The following XCR1 variants were observed in gnomAD, a reference collection of about 807,000 sequenced individuals.
The protein encoded by XCR1 is X-C motif chemokine receptor 1.
For missense variants in XCR1, 356 were observed against 424.2 expected (o/e 0.84, Z 1.41); for synonymous variants, 187 against 188.5 (o/e 0.99, Z 0.06).
Position 46,065,647 on chromosome 3 carries a change from G to A in XCR1, c.-183+1252C>T, listed in dbSNP as rs534623287. ...ACCAATTAGAGTTGGGGAAATGCAG[G>A]TGGTGGCCCCGGGCTACACCAAGCT... On this transcript the variant is annotated intron_variant, in intron 4 of 5. Coordinates refer to the XCR1 transcript ENST00000683768. Among the ~76,000 whole-genome samples the A allele has an allele frequency of 7.2e-5, 11 of 152,298 alleles. No individual in the cohort carries two copies. The East Asian group carries it at 1.7e-3, about 24-fold the overall frequency.
chr3:46,031,066 C>A (rs537576291), upstream of XCR1, among the ~76,000 whole-genome samples: 1 of 152,208 alleles, frequency 6.6e-6, no homozygotes, highest in Admixed American at 6.5e-5. Flanking sequence ...TCCACACAGC[C>A]GGCAGGAGCT....
At chr3:46,061,770 A>T (rs1365377670) in intron 4 of XCR1, among the ~76,000 whole-genome samples, 4 of 152,110 alleles carry the variant, frequency 2.6e-5, no homozygotes, top group Non-Finnish European at 4.4e-5. Flanking sequence ...AGAAGGAGTC[A>T]TGGGGGTGCC....
chr3:46,042,176 G>A (rs1697547072), intron 5 of XCR1, among the ~76,000 whole-genome samples: 1 of 152,166 alleles, frequency 6.6e-6, no homozygotes, highest in Non-Finnish European at 1.5e-5. Context: ...TTAAAGCAGT[G>A]CTCAGAGGGA....
chr3:46,066,480 T>C lies in XCR1; in HGVS notation c.-183+419A>G, dbSNP rs147897195. 4.2e-3 allele frequency among the ~76,000 whole-genome samples: 638 copies of C among 152,310 alleles called. 3 individuals carry two copies. Among genetic ancestry groups the C allele is most frequent in the African/African-American group, 0.014 (587 of 41,560 alleles). Reference sequence around the variant, plus strand: ...GGATGGTCTCAATCTCTTGACCTCTTGATCCACCCACTTGGGCCTCCCAAA... The same window carrying C: ...GGATGGTCTCAATCTCTTGACCTCTCGATCCACCCACTTGGGCCTCCCAAA... On this transcript the variant is annotated intron_variant, in intron 4 of 5. Transcript: ENST00000683768.
chr3:46,042,490 G>T (rs1697553742), intron 5 of XCR1, among the ~76,000 whole-genome samples: 1 of 152,110 alleles, frequency 6.6e-6, no homozygotes, highest in African/African-American at 2.4e-5. Context: ...GGAAAGTGGG[G>T]ACATTACTAC....
intron 3 of XCR1, among the ~76,000 whole-genome samples, chr3:46,073,890 C>A (rs1698206499): frequency 6.6e-6 from 1 of 151,048 alleles, no homozygotes; most frequent in African/African-American, 2.4e-5. Flanking sequence ...CATCTTACAC[C>A]AATCAGAATG....
chr3:46,050,695 A>C (rs1697723350), intron 5 of XCR1, among the ~76,000 whole-genome samples: 1 of 152,182 alleles, frequency 6.6e-6, no homozygotes, highest in African/African-American at 2.4e-5. Flanking sequence ...TGATAGTGAG[A>C]CACGTTCTCT....
intron 5 of XCR1, among the ~76,000 whole-genome samples, chr3:46,047,912 C>T (rs1169956471): frequency 4.6e-5 from 7 of 152,178 alleles, no homozygotes; most frequent in South Asian, 2.1e-4. Flanking sequence ...GGTCCATGGA[C>T]GGGGGTAGGA....
chr3:46,055,913 C>T (rs1697842474), intron 4 of XCR1, among the ~76,000 whole-genome samples: 2 of 152,184 alleles, frequency 1.3e-5, no homozygotes, highest in Admixed American at 6.5e-5. Flanking sequence ...AGCAGAGGTG[C>T]TCAGAGGTTA....
chr3:46,070,177 C>A (rs1009390827), intron 3 of XCR1, among the ~76,000 whole-genome samples: 11 of 151,982 alleles, frequency 7.2e-5, no homozygotes, highest in Admixed American at 2.0e-4. Context: ...TTTAAAAATG[C>A]ATTGAGACTT....
rs57883489 is a variant in XCR1 at position 46,026,526 on chromosome 3, T to C, written c.-32+891A>G. Among the ~76,000 whole-genome samples, 827 of 152,052 alleles carry C rather than the reference T, an allele frequency of 5.4e-3. 20 individuals are homozygous for C. The East Asian group carries it at 0.083, about 15-fold the overall frequency. On this transcript the variant is annotated intron_variant, in intron 1 of 1. Transcript: ENST00000309285. ...TCTACTTCTTTCAGCATAAGAAAAA[T>C]ATTATTTATATGTTAGGTCTACTCA...
intron 5 of XCR1, among the ~76,000 whole-genome samples, chr3:46,048,780 T>C (rs1453456211): frequency 6.6e-6 from 1 of 152,206 alleles, no homozygotes; most frequent in Non-Finnish European, 1.5e-5. Flanking sequence ...TTACCATCCA[T>C]ACCAGGAGTC....
chr3:46,041,215 C>G (rs1697531715), intron 5 of XCR1, among the ~76,000 whole-genome samples: 1 of 152,134 alleles, frequency 6.6e-6, no homozygotes, highest in Admixed American at 6.5e-5. Flanking sequence ...GCTGTTTTCT[C>G]TTATAATGGG....
chr3:46,066,296 G>A (rs998057067), intron 4 of XCR1, among the ~76,000 whole-genome samples: 5 of 151,698 alleles, frequency 3.3e-5, no homozygotes, highest in Non-Finnish European at 1.5e-5. Flanking sequence ...CCAGGCTGGA[G>A]TGCAGCAGTG....
At chr3:46,024,910 A>C (rs1015558335) in intron 1 of XCR1, among the ~76,000 whole-genome samples, 2 of 152,226 alleles carry the variant, frequency 1.3e-5, no homozygotes, top group Non-Finnish European at 1.5e-5. Flanking sequence ...ATTGTGTTTT[A>C]TTAAAAAAAC....
chr3:46,023,881 A>G (rs1315733833), intron 1 of XCR1: 45 of 1,515,514 alleles, frequency 3.0e-5, no homozygotes, highest in Non-Finnish European at 4.1e-5. Flanking sequence ...AAGGAAAGAA[A>G]ATAACTAAAG....
chr3:46,030,693 G>C (rs940834550), upstream of XCR1, among the ~76,000 whole-genome samples: 2 of 152,242 alleles, frequency 1.3e-5, no homozygotes, highest in African/African-American at 4.8e-5. Flanking sequence ...GCAGCAGGGA[G>C]GCATGAGCGG....
At chr3:46,057,961 A>T (rs1697886295) in intron 4 of XCR1, among the ~76,000 whole-genome samples, 1 of 149,588 alleles carries the variant, frequency 6.7e-6, no homozygotes, top group Non-Finnish European at 1.5e-5. Context: ...TCTATCTGCC[A>T]TCTATGTATC....
rs774724399 is a variant in XCR1 at position 46,021,523 on chromosome 3, G to T, written c.425C>A (p.Thr142Asn). ...VSPLSTLRVP[T>N]LRCRVLVTMA... The stretch of plus-strand genomic sequence containing the variant: ...GGTCACCAGCACCCGGCAGCGGAGG[G>T]TGGGGACGCGCAGGGTGGAGAGGGG... Residue 142 changes from threonine (T) to asparagine (N), a missense_variant, in exon 2 of 2, where the codon ACC (threonine) becomes AAC (asparagine). Transcript: ENST00000309285. This position sits in a 1 kb window ranked among gnomAD's most constrained non-coding sequence, Gnocchi z 4.7. 6.8e-6 allele frequency: 11 copies of T among 1,612,066 alleles called. No individual in the cohort carries two copies. Among genetic ancestry groups the T allele is most frequent in the Non-Finnish European group, 9.3e-6 (11 of 1,178,952 alleles).
Sources: allele counts gnomAD v4.1 joint callset (sites outside exome capture counted in the v4.1 genomes callset), GRCh38; gene constraint gnomAD v4.1.1; non-coding constraint Gnocchi (gnomAD v3.1); transcripts MANE v1.5; gene names NCBI Gene and HGNC (gene_info 2026-07-23, HGNC 2026-07-21).